The following PCDH11Y variants were observed in gnomAD, a reference collection of about 807,000 sequenced individuals.
PCDH11Y encodes the protein protocadherin 11 Y-linked, also known as protocadherin-11 Y-linked.
For missense variants in PCDH11Y, 12 were observed against 224.8 expected, an observed-to-expected ratio of 0.05 and a Z score of 6.05; for synonymous variants, 9 against 83.6, an observed-to-expected ratio of 0.11 and a Z score of 4.87.
chrY:5,331,824 A>C, intron 2 of PCDH11Y, among the ~76,000 whole-genome samples: 3 of 33,410 alleles, frequency 9.0e-5, no homozygotes, highest in Non-Finnish European at 2.2e-4. Flanking sequence ...TGTCATGGGC[A>C]TGTCCTTAAC....
intron 1 of PCDH11Y, among the ~76,000 whole-genome samples, chrY:5,069,313 T>G: frequency 3.0e-5 from 1 of 33,841 alleles, no homozygotes; most frequent in African/African-American, 1.2e-4. Context: ...GATTTCTATT[T>G]CCTTTGATAC....
At chrY:5,263,323 G>A in intron 2 of PCDH11Y, among the ~76,000 whole-genome samples, 1 of 29,611 alleles carries the variant, frequency 3.4e-5, no homozygotes, top group Non-Finnish European at 8.1e-5. Flanking sequence ...ATTGAAATGG[G>A]GACGGGTCTT....
chrY:5,597,377 A>G, intron 4 of PCDH11Y, among the ~76,000 whole-genome samples: 4 of 27,569 alleles, frequency 1.5e-4, no homozygotes, highest in Admixed American at 7.4e-4. Context: ...ATATATATAC[A>G]TATATATGTG....
At chrY:5,537,828 T>C in intron 3 of PCDH11Y, among the ~76,000 whole-genome samples, 3 of 33,736 alleles carry the variant, frequency 8.9e-5, no homozygotes, top group Non-Finnish European at 2.2e-4. Context: ...TCTCTATGTT[T>C]TGACTCTTTT....
At chrY:5,357,138 G>A (rs1171547939) in intron 2 of PCDH11Y, among the ~76,000 whole-genome samples, 27 of 26,802 alleles carry the variant, frequency 1.0e-3, no homozygotes, top group African/African-American at 3.6e-3. Flanking sequence ...GCAGTGAGCC[G>A]AGATCACGCC....
chrY:5,166,009 T>C, intron 2 of PCDH11Y, among the ~76,000 whole-genome samples: 2 of 32,301 alleles, frequency 6.2e-5, no homozygotes, highest in African/African-American at 2.4e-4. Context: ...AAAGGAGAAA[T>C]AGATAAGCTG....
At chrY:5,386,012 G>C (rs1602916945) in intron 2 of PCDH11Y, among the ~76,000 whole-genome samples, 7 of 33,542 alleles carry the variant, frequency 2.1e-4, no homozygotes, top group African/African-American at 7.0e-4. Flanking sequence ...TTTCAAACTT[G>C]ATAGCTCCTT....
chrY:5,167,395 G>A, intron 2 of PCDH11Y, among the ~76,000 whole-genome samples: 1 of 30,613 alleles, frequency 3.3e-5, no homozygotes, highest in Admixed American at 3.1e-4. Flanking sequence ...AGGTTTTGAT[G>A]TTTTGATGCA....
At chrY:5,385,008 A>G in intron 2 of PCDH11Y, among the ~76,000 whole-genome samples, 2 of 31,184 alleles carry the variant, frequency 6.4e-5, no homozygotes, top group Non-Finnish European at 1.5e-4. Flanking sequence ...GCCTTAGTGC[A>G]GGAGCTCAGC....
chrY:5,072,319 G>T (rs2052701208), intron 1 of PCDH11Y, among the ~76,000 whole-genome samples: 1 of 32,773 alleles, frequency 3.1e-5, no homozygotes, highest in Non-Finnish European at 7.5e-5. Context: ...ACTGTATACT[G>T]TTGAAGCATT....
chrY:5,570,941 T>G, intron 3 of PCDH11Y, among the ~76,000 whole-genome samples: 1 of 31,356 alleles, frequency 3.2e-5, no homozygotes. Context: ...AGTAATTCAC[T>G]GTGATTACAA....
intron 4 of PCDH11Y, among the ~76,000 whole-genome samples, chrY:5,652,544 T>G: frequency 3.1e-5 from 1 of 32,755 alleles, no homozygotes; most frequent in Non-Finnish European, 7.5e-5. Context: ...AAAAAAAATG[T>G]CCTACTTAAC....
chrY:5,388,414 TG>T, intron 2 of PCDH11Y, among the ~76,000 whole-genome samples: 1 of 33,002 alleles, frequency 3.0e-5, no homozygotes, highest in Non-Finnish European at 7.4e-5. Flanking sequence ...TGAGGTCAAA[TG>T]CCTCTCCCGT....
chrY:5,054,372 G>A (rs374694855), upstream of PCDH11Y, among the ~76,000 whole-genome samples: 78 of 17,719 alleles, frequency 4.4e-3, no homozygotes, highest in East Asian at 0.099. Context: ...AGATTATTTC[G>A]TCACCCAGGT....
intron 4 of PCDH11Y, among the ~76,000 whole-genome samples, chrY:5,651,738 A>T: frequency 3.2e-5 from 1 of 31,647 alleles, no homozygotes; most frequent in Non-Finnish European, 7.7e-5. Context: ...TCATGTAAAA[A>T]AACAACATGA....
intron 2 of PCDH11Y, among the ~76,000 whole-genome samples, chrY:5,367,730 G>GTA (rs2053182527): frequency 7.2e-5 from 2 of 27,710 alleles, no homozygotes; most frequent in African/African-American, 1.4e-4. Context: ...AATTGTGTGT[G>GTA]TATATATATA....
intron 2 of PCDH11Y, among the ~76,000 whole-genome samples, chrY:5,220,213 CTTT>C (rs202188590): frequency 3.2e-5 from 1 of 31,098 alleles, no homozygotes; most frequent in East Asian, 8.5e-4. Flanking sequence ...CCTCAAGAGT[CTTT>C]TAGCTATTCT....
intron 2 of PCDH11Y, among the ~76,000 whole-genome samples, chrY:5,419,930 C>A: frequency 3.3e-5 from 1 of 30,216 alleles, no homozygotes; most frequent in Non-Finnish European, 8.0e-5. Flanking sequence ...GTTTATAACA[C>A]CTGTTAAGCA....
At chrY:5,670,588 G>T in intron 4 of PCDH11Y, among the ~76,000 whole-genome samples, 6 of 32,805 alleles carry the variant, frequency 1.8e-4, no homozygotes, top group African/African-American at 3.5e-4. Context: ...TTCTTCTTTT[G>T]AGAAAGGTCT....
Sources: allele counts gnomAD v4.1 joint callset (sites outside exome capture counted in the v4.1 genomes callset), GRCh38; gene constraint gnomAD v4.1.1; transcripts MANE v1.5; gene names NCBI Gene and HGNC (gene_info 2026-07-23, HGNC 2026-07-21).